PHAF1: variants seen among roughly 807,000 people sequenced by gnomAD.
The protein encoded by PHAF1 is phagosome assembly factor 1.
A neutral mutation model predicts 63.1 loss-of-function variants in PHAF1; 23 were observed. The ratio of observed to expected loss-of-function variants is 0.36; its 90% CI spans 0.26 to 0.52. PHAF1 has a LOEUF of 0.52. Among genes scored for constraint, PHAF1 ranks in the 20% least tolerant of loss-of-function variants. The pLI is 0.93. For missense variants in PHAF1, 427 were observed against 517.2 expected (o/e 0.83, Z 1.69); for synonymous variants, 167 against 185.0 (o/e 0.90, Z 0.79).
At chr16:67,126,236 G>A (rs1164585840) in intron 3 of PHAF1, among the ~76,000 whole-genome samples, 194 bp downstream of exon 3, 1 of 152,176 alleles carries the variant, frequency 6.6e-6, no homozygotes, top group African/African-American at 2.4e-5. Flanking sequence ...AGTGGGTTGG[G>A]ATGGTCAGAA....
At chr16:67,126,595 GTTTT>G (rs60445297) in intron 3 of PHAF1, among the ~76,000 whole-genome samples, 1 of 134,202 alleles carries the variant, frequency 7.5e-6, no homozygotes, top group Non-Finnish European at 1.6e-5. Flanking sequence ...TTTGTTTTTG[GTTTT>G]TTTTTTTTTT....
chr16:67,114,650 A>G (rs905197102), intron 1 of PHAF1, among the ~76,000 whole-genome samples: 2 of 152,252 alleles, frequency 1.3e-5, no homozygotes, highest in Non-Finnish European at 2.9e-5. Flanking sequence ...AGCATGATGT[A>G]CTGGTAGAAG....
intron 4 of PHAF1, among the ~76,000 whole-genome samples, chr16:67,131,809 GC>G (rs959231655): frequency 3.9e-5 from 6 of 152,034 alleles, no homozygotes; most frequent in Non-Finnish European, 8.8e-5. Flanking sequence ...AAGTTGTTGC[GC>G]CCCCATTATG....
intron 1 of PHAF1, among the ~76,000 whole-genome samples, chr16:67,114,867 T>A (rs527973100): frequency 6.6e-6 from 1 of 152,358 alleles, no homozygotes; most frequent in Admixed American, 6.5e-5. Context: ...CTTGAGAAAC[T>A]CTGTATGATG....
chr16:67,139,887 A>C, intron 8 of PHAF1, 97 bp from the exon 9 acceptor site: 3 of 1,430,172 alleles, frequency 2.1e-6, no homozygotes, highest in Non-Finnish European at 2.9e-6. Flanking sequence ...GCCAGACCTA[A>C]TAATGTAGCA....
chr16:67,146,135 G>A (rs2030036631), intron 14 of PHAF1, 143 bp from the exon 15 acceptor site: 4 of 789,722 alleles, frequency 5.1e-6, no homozygotes, highest in South Asian at 3.0e-5. Flanking sequence ...CTAGGATCTT[G>A]CAGGCCTGTG....
chr16:67,119,239 T>C (rs531349176), intron 1 of PHAF1, among the ~76,000 whole-genome samples: 4 of 152,322 alleles, frequency 2.6e-5, no homozygotes, highest in African/African-American at 9.6e-5. Flanking sequence ...TGCAGAATTA[T>C]GCAGTCAGTG....
intron 6 of PHAF1, 147 bp downstream of exon 6, chr16:67,133,058 G>A (rs756802453): frequency 1.5e-6 from 1 of 679,534 alleles, no homozygotes; most frequent in Non-Finnish European, 2.6e-6. Context: ...AGGGTAAAGT[G>A]GTAGAGTGGG....
intron 11 of PHAF1, 126 bp from the exon 12 acceptor site, chr16:67,144,708 G>A: frequency 9.1e-7 from 1 of 1,094,422 alleles, no homozygotes; most frequent in East Asian, 2.4e-5. Flanking sequence ...AACACTGTCA[G>A]GCACTCAGAG....
At chr16:67,128,490 C>T (rs1963272293) in intron 3 of PHAF1, among the ~76,000 whole-genome samples, 1 of 152,166 alleles carries the variant, frequency 6.6e-6, no homozygotes, top group South Asian at 2.1e-4. Flanking sequence ...TCCACCTCTT[C>T]TGATGCTGCC....
intron 13 of PHAF1, 26 bp from the exon 14 acceptor site, chr16:67,145,544 C>T (rs1270840693): frequency 9.9e-6 from 16 of 1,613,870 alleles, no homozygotes; most frequent in Admixed American, 3.3e-5. Context: ...CCTACTAACC[C>T]CTGCTCCCCT....
intron 1 of PHAF1, among the ~76,000 whole-genome samples, chr16:67,117,199 A>ATTTTTTTTTTTTTTTTTTTTT (rs750308105): frequency 2.7e-5 from 3 of 111,980 alleles, no homozygotes; most frequent in East Asian, 2.5e-4. Flanking sequence ...TGCCCAGCTA[A>ATTTTTTTTTTTTTTTTTTTTT]TTTTTTTTTT....
In PHAF1 at chr16:67,126,053, A is replaced by T. The variant is rs373388739; in HGVS notation, c.231+11A>T. 7.6e-6 allele frequency: 12 copies of T among 1,583,372 alleles called. No individual in the cohort carries two copies. Among genetic ancestry groups the T allele is most frequent in the African/African-American group, 1.3e-5 (1 of 74,292 alleles). ...AATCAGAGACTTAAGGTAACTATAA[A>T]TGACAACTAATGTTTCATGTCCAGC... On this transcript the variant is annotated intron_variant, in intron 3 of 15. Transcript: ENST00000219139.
intron 13 of PHAF1, 39 bp from the exon 14 acceptor site, chr16:67,145,531 G>C: frequency 3.1e-6 from 5 of 1,613,596 alleles, no homozygotes; most frequent in Non-Finnish European, 4.2e-6. Context: ...ACATGTTCAT[G>C]TCCCTACTAA....
intron 1 of PHAF1, 49 bp downstream of exon 1, chr16:67,110,288 C>G: frequency 1.3e-6 from 2 of 1,538,826 alleles, no homozygotes; most frequent in Non-Finnish European, 1.8e-6. Flanking sequence ...TCCTTGCTTT[C>G]TCCTGGGCTC....
At chr16:67,146,233 CG>C in intron 14 of PHAF1, 44 bp from the exon 15 acceptor site, 1 of 1,550,426 alleles carries the variant, frequency 6.4e-7, no homozygotes, top group Non-Finnish European at 8.9e-7. Flanking sequence ...GCTTTAAGGC[CG>C]TGGCCTCTGT....
At chr16:67,130,926 T>TTAA (rs2145858735) in intron 3 of PHAF1, among the ~76,000 whole-genome samples, 1 of 152,286 alleles carries the variant, frequency 6.6e-6, no homozygotes, top group South Asian at 2.1e-4. Flanking sequence ...GCTATGGTTA[T>TTAA]GCTGAAGGGG....
At chr16:67,135,949 T>C (rs978896745) in intron 8 of PHAF1, 5 of 152,128 alleles carry the variant, frequency 3.3e-5, no homozygotes, top group Non-Finnish European at 7.3e-5. Context: ...ACGGGACTTG[T>C]TGAATTGTGG....
chr16:67,146,204 A>G (rs2030047158), intron 14 of PHAF1, 74 bp from the exon 15 acceptor site: 9 of 1,375,166 alleles, frequency 6.5e-6, no homozygotes, highest in Non-Finnish European at 9.3e-6. Context: ...CCCATACCCC[A>G]GAAAAGACTG....
Sources: gnomAD v4.1 joint callset for allele counts (sites outside exome capture counted in the v4.1 genomes callset) on GRCh38, gnomAD v4.1.1 for gene constraint, MANE v1.5 for transcripts, NCBI Gene and HGNC (gene_info 2026-07-23, HGNC 2026-07-21) for gene names.